NRXN3: variants seen among roughly 807,000 people sequenced by gnomAD.
The protein encoded by NRXN3 is neurexin 3.
In NRXN3, 32 loss-of-function variants were observed where a neutral mutation model predicts 137.6. The ratio of observed to expected loss-of-function variants is 0.23; its 90% confidence interval spans 0.18 to 0.31. NRXN3 has a LOEUF of 0.31. Ranked by LOEUF, NRXN3 falls within the 10% of genes least tolerant of loss-of-function variation. NRXN3 has a pLI of 1.00. For synonymous variants in NRXN3, 798 were observed against 784.5 expected (o/e 1.02, Z -0.29); for missense variants, 1,574 against 2,062.5 (o/e 0.76, Z 4.59).
intron 16 of NRXN3, among the ~76,000 whole-genome samples, chr14:79,622,865 G>A (rs1345340047): frequency 6.6e-6 from 1 of 152,034 alleles, no homozygotes; most frequent in African/African-American, 2.4e-5. Flanking sequence ...CAAAGTGCTG[G>A]GATTACAGGC....
chr14:78,320,891 G>C (rs2079260674), intron 4 of NRXN3, among the ~76,000 whole-genome samples: 1 of 152,058 alleles, frequency 6.6e-6, no homozygotes, highest in Non-Finnish European at 1.5e-5. Context: ...GCCGAGGTGG[G>C]TGGATCACAA....
intron 4 of NRXN3, among the ~76,000 whole-genome samples, chr14:78,438,315 CA>C (rs2094136911): frequency 6.6e-6 from 1 of 152,052 alleles, no homozygotes; most frequent in Non-Finnish European, 1.5e-5. Context: ...GTTTTGAGTT[CA>C]AAAGAGGAAT....
At chr14:79,045,884 A>G (rs371210334) in intron 15 of NRXN3, among the ~76,000 whole-genome samples, 1 of 152,304 alleles carries the variant, frequency 6.6e-6, no homozygotes, top group East Asian at 1.9e-4. Flanking sequence ...GAATTTGCAT[A>G]TTTTAAAAAC....
chr14:79,105,144 C>T (rs899777168), intron 15 of NRXN3, among the ~76,000 whole-genome samples: 2 of 152,058 alleles, frequency 1.3e-5, no homozygotes, highest in Non-Finnish European at 2.9e-5. Context: ...TTAATTATAA[C>T]AAAAACTGGA....
At chr14:79,418,819 A>T (rs890354885) in intron 15 of NRXN3, among the ~76,000 whole-genome samples, 4 of 152,182 alleles carry the variant, frequency 2.6e-5, no homozygotes, top group African/African-American at 9.7e-5. Context: ...GTGACAGTAA[A>T]TTGGAGCACT....
intron 6 of NRXN3, among the ~76,000 whole-genome samples, chr14:78,662,370 A>G (rs2097848722): frequency 1.3e-5 from 2 of 152,120 alleles, no homozygotes; most frequent in Non-Finnish European, 1.5e-5. Flanking sequence ...GTCTTCATAC[A>G]TGAAGGACTG....
At chr14:79,170,578 CG>C (rs2061682337) in intron 15 of NRXN3, among the ~76,000 whole-genome samples, 1 of 152,028 alleles carries the variant, frequency 6.6e-6, no homozygotes, top group Admixed American at 6.6e-5. Context: ...CACTGAATAA[CG>C]TGGGCAAAAG....
At chr14:79,280,342 G>T (rs1238257654) in intron 15 of NRXN3, 1 of 1,613,920 alleles carries the variant, frequency 6.2e-7, no homozygotes, top group East Asian at 2.2e-5. Flanking sequence ...GGCCGGCCTG[G>T]ACGCTTGGGA....
intron 1 of NRXN3, among the ~76,000 whole-genome samples, chr14:78,204,674 T>G (rs927972210): frequency 6.6e-6 from 1 of 152,344 alleles, no homozygotes; most frequent in African/African-American, 2.4e-5. Context: ...GAAAAAAGAC[T>G]ACAAAGGTTA....
chr14:79,036,337 G>T (rs1197440268), intron 15 of NRXN3, among the ~76,000 whole-genome samples: 1 of 151,704 alleles, frequency 6.6e-6, no homozygotes, highest in Non-Finnish European at 1.5e-5. Context: ...CTAAAAATAA[G>T]AAAAAAATAT....
chr14:79,467,636 C>T (rs2096447333), intron 16 of NRXN3, among the ~76,000 whole-genome samples: 1 of 152,230 alleles, frequency 6.6e-6, no homozygotes, highest in South Asian at 2.1e-4. Context: ...TCTTTGCAGG[C>T]TCCCTTCCCA....
At chr14:78,367,853 G>C (rs1248073301) in intron 4 of NRXN3, among the ~76,000 whole-genome samples, 1 of 152,176 alleles carries the variant, frequency 6.6e-6, no homozygotes, top group African/African-American at 2.4e-5. Context: ...AATTGATAAT[G>C]TAAACAAAGC....
chr14:78,720,687 T>C (rs577551734), intron 8 of NRXN3, among the ~76,000 whole-genome samples: 2 of 152,344 alleles, frequency 1.3e-5, no homozygotes, highest in South Asian at 4.1e-4. Flanking sequence ...TACTTATCAC[T>C]TCTTTGGACA....
At position 78,554,682 on chromosome 14, in the gene NRXN3, T is replaced by C. The variant is rs568582978; in HGVS notation, c.758-90438T>C. On this transcript the variant is annotated intron_variant, in intron 4 of 20. Transcript: ENST00000335750. ...TCCAAATCTCAAGCACCACCTGCAA[T>C]TGTCCATATTTTTCACCCACAGGAT... Among the ~76,000 whole-genome samples the C allele has an allele frequency of 2.3e-4, 35 of 152,286 alleles. 1 individual carries two copies. The South Asian group carries it at 6.8e-3, about 30-fold the overall frequency.
At chr14:79,109,708 T>C (rs1596048788) in intron 15 of NRXN3, among the ~76,000 whole-genome samples, 1 of 152,138 alleles carries the variant, frequency 6.6e-6, no homozygotes, top group Non-Finnish European at 1.5e-5. Context: ...TTGTACAAGC[T>C]ATTTTTAATA....
At chr14:79,735,786 T>C (rs1004622346) in intron 19 of NRXN3, among the ~76,000 whole-genome samples, 17 of 152,176 alleles carry the variant, frequency 1.1e-4, no homozygotes, top group Admixed American at 1.0e-3. Context: ...AGGAAGTATT[T>C]CTACTGCTCT....
At chr14:79,147,665 A>C (rs188841770) in intron 15 of NRXN3, among the ~76,000 whole-genome samples, 2 of 152,108 alleles carry the variant, frequency 1.3e-5, no homozygotes, top group African/African-American at 2.4e-5. Flanking sequence ...AAGCAGAGGC[A>C]TATTTTGTTT....
At chr14:78,303,013 T>C (rs2153533316) in intron 4 of NRXN3, among the ~76,000 whole-genome samples, 1 of 152,260 alleles carries the variant, frequency 6.6e-6, no homozygotes, top group East Asian at 1.9e-4. Flanking sequence ...ACAAATGGAG[T>C]GCAGGATTAG....
chr14:79,587,617 G>A (rs1022674542), intron 16 of NRXN3, among the ~76,000 whole-genome samples: 1 of 152,240 alleles, frequency 6.6e-6, no homozygotes, highest in Non-Finnish European at 1.5e-5. Flanking sequence ...AGAGGGAGGA[G>A]AGAGAAATCT....
Sources: gnomAD v4.1 joint callset for allele counts (sites outside exome capture counted in the v4.1 genomes callset) on GRCh38, gnomAD v4.1.1 for gene constraint, MANE v1.5 for transcripts, NCBI Gene and HGNC (gene_info 2026-07-23, HGNC 2026-07-21) for gene names.